The following SAMD5 variants were observed in gnomAD, a reference collection of about 807,000 sequenced individuals.
SAMD5 encodes sterile alpha motif domain-containing protein 5.
Under a neutral mutation model 11.3 loss-of-function variants are expected in SAMD5, and 13 were observed. The ratio of observed to expected loss-of-function variants is 1.15; its 90% CI spans 0.75 to 1.83. The LOEUF (loss-of-function observed/expected upper bound fraction) is 1.83, where lower values mean the gene tolerates loss of function less well. Among genes scored for constraint, SAMD5 ranks in the 40% most tolerant of loss-of-function variants. The probability of loss-of-function intolerance (pLI) is 0.00; values close to 1 mark genes in which losing one functional copy is unlikely to be tolerated. For synonymous variants in SAMD5, 129 were observed against 111.3 expected (o/e 1.16, Z -1.00); for missense variants, 255 against 239.1 (o/e 1.07, Z -0.44).
the SAMD5 span, among the ~76,000 whole-genome samples, chr6:147,915,085 A>G: frequency 3.3e-5 from 5 of 152,218 alleles, no homozygotes; most frequent in Non-Finnish European, 7.3e-5. Context: ...CGAAAAGGAC[A>G]TTATTGAGTC....
At chr6:147,718,445 G>A (rs1028296067) in intron 1 of SAMD5, among the ~76,000 whole-genome samples, 2 of 152,196 alleles carry the variant, frequency 1.3e-5, no homozygotes, top group African/African-American at 2.4e-5. Flanking sequence ...GAAAGCTGCC[G>A]AAGTGTGTCC....
intron 1 of SAMD5, among the ~76,000 whole-genome samples, chr6:147,600,773 G>A (rs754599974): frequency 5.3e-5 from 8 of 152,178 alleles, no homozygotes; most frequent in Non-Finnish European, 8.8e-5. Context: ...ATCTTCAAGA[G>A]ACTTTGAGAA....
At chr6:147,581,211 C>T (rs1443484031) in intron 1 of SAMD5, among the ~76,000 whole-genome samples, 1 of 152,154 alleles carries the variant, frequency 6.6e-6, no homozygotes, top group East Asian at 1.9e-4. Context: ...CCATGCATGG[C>T]ACCATTCATT....
the SAMD5 span, among the ~76,000 whole-genome samples, chr6:147,810,395 A>T: frequency 0.022 from 3,407 of 152,278 alleles, 134 homozygotes; most frequent in African/African-American, 0.077. Flanking sequence ...ACTGGCCCTC[A>T]GGAGCCTGTG....
At chr6:147,520,979 T>C (rs1358697405) in intron 1 of SAMD5, among the ~76,000 whole-genome samples, 1 of 152,120 alleles carries the variant, frequency 6.6e-6, no homozygotes, top group Non-Finnish European at 1.5e-5. Context: ...CCTGTCTAAT[T>C]GAAATTTTAT....
the SAMD5 span, among the ~76,000 whole-genome samples, chr6:147,838,394 A>G: frequency 6.6e-6 from 1 of 152,146 alleles, no homozygotes; most frequent in African/African-American, 2.4e-5. Context: ...TCCTGATTCT[A>G]CCTCTGCACA....
chr6:147,536,006 C>T (rs1452474519), intron 1 of SAMD5, among the ~76,000 whole-genome samples: 3 of 150,056 alleles, frequency 2.0e-5, no homozygotes, highest in South Asian at 2.1e-4. Context: ...TTTTTTGAGA[C>T]GGACTCTCGC....
chr6:147,541,858 A>T lies in SAMD5; in HGVS notation c.460-22536A>T, dbSNP rs542385723. On this transcript the variant is annotated intron_variant, in intron 1 of 1. Transcript: ENST00000367474. ...CCAGGACTCTTCCTACTACTTAGAA[A>T]GAGCCAACCAAGATCCCCCAGGAGC... is the stretch of plus-strand genomic sequence containing the variant. Among the ~76,000 whole-genome samples the T allele has an allele frequency of 2.6e-5, 4 of 152,284 alleles. No individual in the cohort carries two copies. The East Asian group carries it at 7.7e-4, about 29-fold the overall frequency.
chr6:147,710,369 T>A (rs1380608675), intron 1 of SAMD5, among the ~76,000 whole-genome samples: 2 of 152,252 alleles, frequency 1.3e-5, no homozygotes, highest in Admixed American at 1.3e-4. Flanking sequence ...AAATATTCAA[T>A]GGAAAATTTT....
the SAMD5 span, among the ~76,000 whole-genome samples, chr6:147,837,230 C>A: frequency 1.3e-5 from 2 of 152,226 alleles, no homozygotes; most frequent in East Asian, 3.9e-4. Context: ...CTAAGTACCT[C>A]CTTCTCAAAG....
chr6:147,620,489 G>T (rs1369898970), intron 1 of SAMD5, among the ~76,000 whole-genome samples: 1 of 152,186 alleles, frequency 6.6e-6, no homozygotes, highest in Non-Finnish European at 1.5e-5. Flanking sequence ...CAGAAATTCT[G>T]CCTTCAAAGA....
At chr6:147,659,248 T>C (rs915954440) in intron 1 of SAMD5, among the ~76,000 whole-genome samples, 2 of 137,010 alleles carry the variant, frequency 1.5e-5, no homozygotes, top group Admixed American at 1.5e-4. Context: ...CAGGGCATGT[T>C]CTCAGTACAT....
the SAMD5 span, among the ~76,000 whole-genome samples, chr6:147,794,458 T>A: frequency 1.3e-5 from 2 of 152,172 alleles, no homozygotes; most frequent in Non-Finnish European, 2.9e-5. Flanking sequence ...CAGTATTGCA[T>A]CATATAAAAA....
At chr6:147,670,611 G>C (rs147013816) in intron 1 of SAMD5, among the ~76,000 whole-genome samples, 1 of 152,322 alleles carries the variant, frequency 6.6e-6, no homozygotes, top group African/African-American at 2.4e-5. Context: ...TTATGTGTTG[G>C]TGATGGCTTC....
chr6:147,867,440 T>C, the SAMD5 span, among the ~76,000 whole-genome samples: 1 of 152,088 alleles, frequency 6.6e-6, no homozygotes, highest in Admixed American at 6.6e-5. Context: ...TTCTTAAGCT[T>C]TAGAAATAAT....
chr6:147,779,411 T>C, the SAMD5 span, among the ~76,000 whole-genome samples: 2 of 152,106 alleles, frequency 1.3e-5, no homozygotes, highest in African/African-American at 4.8e-5. Flanking sequence ...AAAATGTTCT[T>C]AGCATTAGAG....
At chr6:147,786,083 G>A in the SAMD5 span, among the ~76,000 whole-genome samples, 1 of 152,122 alleles carries the variant, frequency 6.6e-6, no homozygotes, top group Admixed American at 6.6e-5. Flanking sequence ...CGTTTACTCT[G>A]GAGTGTAAAT....
the SAMD5 span, among the ~76,000 whole-genome samples, chr6:147,925,077 T>C: frequency 6.6e-6 from 1 of 152,240 alleles, no homozygotes; most frequent in Non-Finnish European, 1.5e-5. Flanking sequence ...ATGTACTGAA[T>C]GCTTATGTTC....
At chr6:147,586,266 A>G (rs1321271296) in intron 1 of SAMD5, among the ~76,000 whole-genome samples, 2 of 152,186 alleles carry the variant, frequency 1.3e-5, no homozygotes, top group African/African-American at 2.4e-5. Context: ...CTAGTCTCAT[A>G]TCATCACAAA....
Sources: allele counts gnomAD v4.1 joint callset (sites outside exome capture counted in the v4.1 genomes callset), GRCh38; gene constraint gnomAD v4.1.1; transcripts MANE v1.5; gene names NCBI Gene and HGNC (gene_info 2026-07-23, HGNC 2026-07-21).